Variants in PCDHGA2 observed in about 807,000 individuals in gnomAD.
PCDHGA2 encodes protocadherin gamma subfamily A, 2, also known as protocadherin gamma-A2.
Under a neutral mutation model 59.2 loss-of-function variants are expected in PCDHGA2, and 40 were observed. The observed-to-expected ratio is 0.68, with a 90% CI of 0.52 to 0.88. The LOEUF is 0.88. Among genes scored for constraint, PCDHGA2 ranks in the 40% least tolerant of loss-of-function variants. PCDHGA2 has a pLI of 0.00. For missense variants in PCDHGA2, 1,226 were observed against 1,204.0 expected (o/e 1.02, Z -0.27); for synonymous variants, 560 against 526.0 (o/e 1.06, Z -0.89).
At chr5:141,371,274 C>G in intron 1 of PCDHGA2, 1 of 1,613,982 alleles carries the variant, frequency 6.2e-7, no homozygotes, top group South Asian at 1.1e-5. Context: ...ACTGTTCAAG[C>G]TGGACAGTAA....
intron 1 of PCDHGA2, among the ~76,000 whole-genome samples, chr5:141,481,710 T>C (rs1447483213): frequency 6.6e-6 from 1 of 151,556 alleles, no homozygotes; most frequent in Non-Finnish European, 1.5e-5. Context: ...TCCCAGCACT[T>C]TGGGAGGCGG....
chr5:141,362,633 T>G (rs1561527667), intron 1 of PCDHGA2: 1 of 1,490,046 alleles, frequency 6.7e-7, no homozygotes, highest in Non-Finnish European at 9.0e-7. Flanking sequence ...CACTGCGTAT[T>G]TCTTTGTCTG....
intron 1 of PCDHGA2, chr5:141,423,684 T>TA (rs1412198122): frequency 1.3e-6 from 2 of 1,524,644 alleles, no homozygotes; most frequent in Non-Finnish European, 1.8e-6. Context: ...CTCTGCCTCC[T>TA]AATTGTTGGT....
rs1334123861 is a variant in PCDHGA2, at chr5:141,414,743, C to G, written c.2424+73348C>G. On this transcript the variant is annotated intron_variant, in intron 1 of 3. Coordinates refer to ENST00000394576, the MANE Select transcript of PCDHGA2 (RefSeq NM_018915.4). ...ACTGGCGTCCTGTATGCACTCAGAT[C>G]CTTCGACTATGAGCAGTTTCATGAG... 1.9e-6 allele frequency: 3 copies of G among 1,614,216 alleles called. No homozygotes were observed. In the East Asian group the frequency reaches 6.7e-5, roughly 36 times the overall value.
chr5:141,475,388 G>C (rs1230010845), intron 1 of PCDHGA2, among the ~76,000 whole-genome samples: 8 of 152,170 alleles, frequency 5.3e-5, no homozygotes, highest in Non-Finnish European at 1.0e-4. Flanking sequence ...AATTTTATAA[G>C]CCAGAGTTAA....
chr5:141,480,265 A>G (rs1041908141), intron 1 of PCDHGA2, among the ~76,000 whole-genome samples: 2 of 151,784 alleles, frequency 1.3e-5, no homozygotes, highest in African/African-American at 2.4e-5. Context: ...ATGTGTTTTC[A>G]TTAGCTGGGT....
chr5:141,409,824 C>T (rs1265260597), intron 1 of PCDHGA2: 1 of 1,610,860 alleles, frequency 6.2e-7, no homozygotes, highest in Non-Finnish European at 8.5e-7. Flanking sequence ...GGCTCGCCCA[C>T]GCTCAGCGCC....
In PCDHGA2 at chr5:141,441,804, C is replaced by CAT. The variant is rs1189673284; in HGVS notation, c.2425-53003_2425-53002insAT. The CAT allele has an allele frequency of 6.5e-4, 249 of 382,482 alleles. 2 individuals are homozygous for CAT. Among genetic ancestry groups the CAT allele is most frequent in the African/African-American group, 4.8e-3 (221 of 45,888 alleles). 23.7% of individuals were successfully genotyped at this position (382,482 alleles called of 1,614,324 possible). The stretch of plus-strand genomic sequence containing the variant: ...CCTGAATGACAACGCACCGCGGGTG[C>CAT]TGTACCCCAGCTCTGGAGCGCAATG... On this transcript the variant is annotated intron_variant, in intron 1 of 3. Transcript: ENST00000394576.
At position 141,382,780 on chromosome 5, in the gene PCDHGA2, A is replaced by T. The variant is rs1050419701; in HGVS notation, c.2424+41385A>T. On this transcript the variant is annotated intron_variant, in intron 1 of 3. Coordinates refer to ENST00000394576, the MANE Select transcript of PCDHGA2 (RefSeq NM_018915.4). ...CCCTCTTCCAGGCTGCACTAAACTC[A>T]AGCCTCTATCCTGCTGGATTCTGAG... is the stretch of plus-strand genomic sequence containing the variant. 8.4e-6 allele frequency: 7 copies of T among 836,240 alleles called. No homozygotes were observed. The African/African-American group carries it at 1.2e-4, about 14-fold the overall frequency. 51.8% of individuals were successfully genotyped at this position (836,240 alleles called of 1,614,324 possible).
chr5:141,404,271 T>A, intron 1 of PCDHGA2: 1 of 1,614,000 alleles, frequency 6.2e-7, no homozygotes, highest in Non-Finnish European at 8.5e-7. Flanking sequence ...CACATCACCC[T>A]GCAAGTGACT....
At chr5:141,351,633 C>G (rs1407000828) in intron 1 of PCDHGA2, 2 of 1,614,070 alleles carry the variant, frequency 1.2e-6, no homozygotes, top group South Asian at 2.2e-5. Flanking sequence ...GTCCACGTGT[C>G]TGAGAACAAC....
rs564640142 is a variant in PCDHGA2 at position 141,341,198 on chromosome 5, G to A, written c.2227G>A (p.Val743Met). The change falls in exon 1 of 4, where the codon GTG becomes ATG. Residue 743 changes from valine to methionine, a missense_variant. Val to Met is a conservative substitution (Grantham distance 21). Transcript: ENST00000394576. ...CATGCAGAGCTCGCACTTTGTGGGCGTGGACGGGGTTCGGGCTTTCCTGCA... is the reference window on the plus strand; with the variant it reads ...CATGCAGAGCTCGCACTTTGTGGGCATGGACGGGGTTCGGGCTTTCCTGCA... The part of the protein sequence containing the change: ...TGMQSSHFVG[V>M]DGVRAFLQTY... The A allele has an allele frequency of 1.2e-6, 2 of 1,614,104 alleles. No individual in the cohort carries two copies. The highest frequency in any genetic ancestry group is 1.7e-6 in the Non-Finnish European group (2 of 1,180,054).
intron 1 of PCDHGA2, chr5:141,409,843 C>G: frequency 6.2e-7 from 1 of 1,611,804 alleles, no homozygotes; most frequent in Non-Finnish European, 8.5e-7. Context: ...CCAACGTGAG[C>G]CTGCGCGTGT....
intron 1 of PCDHGA2, chr5:141,366,795 T>A (rs1054610187): frequency 3.2e-6 from 5 of 1,567,382 alleles, no homozygotes; most frequent in Non-Finnish European, 4.3e-6. Flanking sequence ...CATTTTCATT[T>A]GTTTCCTTTT....
chr5:141,428,148 G>A (rs774961575), intron 1 of PCDHGA2: 6 of 1,588,024 alleles, frequency 3.8e-6, no homozygotes, highest in East Asian at 4.5e-5. Flanking sequence ...GCTGCACACG[G>A]GAACCTGCTG....
In PCDHGA2 at chr5:141,386,663, G is replaced by T. The variant is rs532080624; in HGVS notation, c.2424+45268G>T. On this transcript the variant is annotated intron_variant, in intron 1 of 3. Transcript: ENST00000394576. ...GGATACATTTTACAAGTTCTGCAGT[G>T]TTCACATTTCAGATGTACAATCACT... Among the ~76,000 whole-genome samples, 44 of 152,044 alleles carry T rather than the reference G, an allele frequency of 2.9e-4. No homozygotes were observed. In the South Asian group the frequency reaches 5.4e-3, roughly 19 times the overall value.
In PCDHGA2 at chr5:141,432,645, C is replaced by A. The variant is rs758701539; in HGVS notation, c.2425-62162C>A. ...CTGCACACGGGCGAGGTGCGCACGG[C>A]GCGAGCCCTGCTGGACAGAGACGCG... On this transcript the variant is annotated intron_variant, in intron 1 of 3. Coordinates refer to ENST00000394576, the MANE Select transcript of PCDHGA2 (RefSeq NM_018915.4). This position sits in a 1 kb window ranked among gnomAD's most constrained non-coding sequence, Gnocchi z 6.0. The A allele has an allele frequency of 1.2e-5, 20 of 1,613,628 alleles. No individual in the cohort carries two copies. The highest frequency in any genetic ancestry group is 1.6e-4 in the Middle Eastern group (1 of 6,066).
intron 1 of PCDHGA2, chr5:141,345,359 G>A: frequency 6.2e-7 from 1 of 1,614,102 alleles, no homozygotes; most frequent in Non-Finnish European, 8.5e-7. Flanking sequence ...CCCTGCATGT[G>A]ATTGACATCA....
At chr5:141,366,898 G>A in intron 1 of PCDHGA2, 4 of 1,204,000 alleles carry the variant, frequency 3.3e-6, no homozygotes, top group Non-Finnish European at 3.4e-6. Flanking sequence ...TATAATTCAT[G>A]CTTTCTCCAT....
Sources: gnomAD v4.1 joint callset for allele counts (sites outside exome capture counted in the v4.1 genomes callset) on GRCh38, gnomAD v4.1.1 for gene constraint, Gnocchi (gnomAD v3.1) non-coding constraint, MANE v1.5 for transcripts, NCBI Gene and HGNC (gene_info 2026-07-23, HGNC 2026-07-21) for gene names.